Variants in BAAT observed in about 807,000 individuals in gnomAD.
BAAT encodes the protein bile acid-CoA:amino acid N-acyltransferase.
A neutral mutation model predicts 18.9 loss-of-function variants in BAAT; 13 were observed. The observed-to-expected ratio is 0.69, with a 90% CI of 0.45 to 1.10. The LOEUF (loss-of-function observed/expected upper bound fraction) is 1.10, where lower values mean the gene tolerates loss of function less well. Ranked by LOEUF, BAAT falls within the 50% of genes least tolerant of loss-of-function variation. The pLI is 0.00. For missense variants in BAAT, 489 were observed against 504.0 expected (o/e 0.97, Z 0.28); for synonymous variants, 170 against 190.7 (o/e 0.89, Z 0.89).
At chr9:101,367,274 G>T (rs1431454477) in intron 3 of BAAT, among the ~76,000 whole-genome samples, 1 of 151,904 alleles carries the variant, frequency 6.6e-6, no homozygotes, top group Non-Finnish European at 1.5e-5. Flanking sequence ...TATGTTTAAG[G>T]GCTCATGAGT....
chr9:101,369,978 T>C (rs1475295222), intron 2 of BAAT, among the ~76,000 whole-genome samples: 4 of 152,236 alleles, frequency 2.6e-5, no homozygotes, highest in African/African-American at 9.6e-5. Flanking sequence ...TGGAATAGTC[T>C]ATAAATATGT....
intron 3 of BAAT, among the ~76,000 whole-genome samples, chr9:101,363,558 T>A (rs1278595777): frequency 2.6e-5 from 4 of 151,792 alleles, no homozygotes; most frequent in Non-Finnish European, 5.9e-5. Flanking sequence ...AAATTATCTA[T>A]CCTACGGCAA....
intron 1 of BAAT, among the ~76,000 whole-genome samples, chr9:101,382,274 A>G (rs1830145860): frequency 6.6e-6 from 1 of 152,230 alleles, no homozygotes; most frequent in African/African-American, 2.4e-5. Flanking sequence ...TGGGCGAATG[A>G]GCTCAAACAT....
chr9:101,384,765 C>T (rs1022105750), intron 1 of BAAT, among the ~76,000 whole-genome samples, 90 bp downstream of exon 1: 4 of 151,832 alleles, frequency 2.6e-5, no homozygotes, highest in African/African-American at 9.7e-5. Context: ...AATCTTTAAA[C>T]AAAAGCAAGG....
Position 101,380,793 on chromosome 9 carries a change from G to A in BAAT, c.-60+4062C>T, listed in dbSNP as rs899276893. Among the ~76,000 whole-genome samples the A allele has an allele frequency of 5.3e-5, 8 of 152,120 alleles. No homozygotes were observed. In the East Asian group the frequency reaches 7.7e-4, roughly 15 times the overall value. On this transcript the variant is annotated intron_variant, in intron 1 of 3. Transcript: ENST00000259407. ...TTTTAAGATGGAGTCTTGCTCTGTC[G>A]CCCAGGCTGGAGTGCAGTGGTGCAA...
chr9:101,372,003 A>C (rs949871288), intron 1 of BAAT, among the ~76,000 whole-genome samples: 4 of 152,194 alleles, frequency 2.6e-5, no homozygotes, highest in African/African-American at 9.7e-5. Context: ...TGTCCTTTGC[A>C]GCAACATGGA....
chr9:101,365,573 G>C (rs980575283), intron 3 of BAAT, among the ~76,000 whole-genome samples: 13 of 151,706 alleles, frequency 8.6e-5, no homozygotes, highest in Non-Finnish European at 1.6e-4. Context: ...GTCTCATTCT[G>C]TCACCCAGGC....
chr9:101,367,986 C>T, intron 3 of BAAT, 134 bp downstream of exon 3: 1 of 926,286 alleles, frequency 1.1e-6, no homozygotes, highest in Non-Finnish European at 1.7e-6. Flanking sequence ...AAGGCACTGG[C>T]TTCTGGCCAA....
chr9:101,372,115 G>T (rs943491171), intron 1 of BAAT, among the ~76,000 whole-genome samples: 1 of 152,038 alleles, frequency 6.6e-6, no homozygotes, highest in East Asian at 1.9e-4. Flanking sequence ...GGGTACACAC[G>T]GACATTGGGA....
At chr9:101,379,495 A>G (rs1588145138) in intron 1 of BAAT, among the ~76,000 whole-genome samples, 2 of 152,236 alleles carry the variant, frequency 1.3e-5, no homozygotes, top group East Asian at 1.9e-4. Flanking sequence ...ATGGCCAATC[A>G]CTATTCTTGC....
Position 101,371,395 on chromosome 9 carries a change from A to G in BAAT, c.10T>C (p.Leu4=), listed in dbSNP as rs1459221961. The stretch of plus-strand genomic sequence containing the variant: ...AGTGCACTCACAGGGGTAGCTGTCA[A>G]CTGGATCATTTTTTTAGTGTGGCAC... MIQ[L]TATPVSALVD... Residue 4 remains leucine, a synonymous_variant, in exon 2 of 4, where the codon TTG becomes CTG. Coordinates refer to ENST00000259407, the MANE Select transcript of BAAT (RefSeq NM_001701.4). The G allele has an allele frequency of 1.2e-6, 2 of 1,609,962 alleles. No homozygotes were observed. Among genetic ancestry groups the G allele is most frequent in the Admixed American group, 1.7e-5 (1 of 59,978 alleles).
In BAAT at chr9:101,368,222, C is replaced by A; in HGVS notation, c.567G>T (p.Leu189Phe). The change falls in exon 3 of 4, where the codon TTG becomes TTT. Residue 189 changes from leucine (L) to phenylalanine (F), a missense_variant. Physicochemically the swap from Leu to Phe is conservative, Grantham distance 22. Coordinates refer to ENST00000259407, the MANE Select transcript of BAAT (RefSeq NM_001701.4). ...SLLASRGFAS[L>F]ALAYHNYEDL... ...CTTCATAGTTATGGTAAGCCAAGGC[C>A]AAGGAGGCGAAGCCACGACTGGCTA... 1.2e-6 allele frequency: 2 copies of A among 1,607,320 alleles called. No individual in the cohort carries two copies. Among genetic ancestry groups the A allele is most frequent in the Non-Finnish European group, 1.7e-6 (2 of 1,175,916 alleles).
rs998280191 is a variant in BAAT at position 101,384,890 on chromosome 9, G to A, written c.-95C>T. Among the ~76,000 whole-genome samples the A allele has an allele frequency of 6.6e-6, 1 of 152,076 alleles. No individual in the cohort carries two copies. Among genetic ancestry groups the A allele is most frequent in the Admixed American group, 6.6e-5 (1 of 15,256 alleles). On this transcript the variant is annotated 5_prime_UTR_variant, in exon 1 of 4. Transcript: ENST00000259407. Reference sequence around the variant, plus strand: ...AACCTGCCCCCAAAATTTCAGCGTAGGTTCTATTTTCCCTAAGTGTCGGCT... The same window carrying A: ...AACCTGCCCCCAAAATTTCAGCGTAAGTTCTATTTTCCCTAAGTGTCGGCT...
chr9:101,371,297 C>T lies in BAAT; in HGVS notation c.108G>A (p.Leu36=). ...PFQMVSFQAS[L]EDENGDMFYS... The stretch of plus-strand genomic sequence containing the variant: ...AAAACATGTCTCCGTTTTCATCTTC[C>T]AGTGATGCCTGAAAACTCACCATCT... Residue 36 remains leucine (L), a synonymous_variant, in exon 2 of 4, where the codon CTG becomes CTA. Transcript: ENST00000259407. 2 of 1,613,600 alleles carry T rather than the reference C, an allele frequency of 1.2e-6. No individual in the cohort carries two copies. The highest frequency in any genetic ancestry group is 1.7e-6 in the Non-Finnish European group (2 of 1,179,626).
chr9:101,384,918 T>C lies in BAAT; in HGVS notation c.-123A>G, dbSNP rs1260877506. Among the ~76,000 whole-genome samples, 1 of 151,948 alleles carries C rather than the reference T, an allele frequency of 6.6e-6. No homozygotes were observed. The highest frequency in any genetic ancestry group is 6.6e-5 in the Admixed American group (1 of 15,252). On this transcript the variant is annotated 5_prime_UTR_variant, in exon 1 of 4. Transcript: ENST00000259407. ...TCTATTTTCCCTAAGTGTCGGCTGG[T>C]CTGAGAAATAAAGAGAAAGAGTACA...
rs1357553711 is a variant in BAAT, at chr9:101,372,849, T to C, written c.-59-1386A>G. ...ATCAACAGAAAATTTAATGTACTTTTAATGGATATGTGTGGATTGGTTTGA... is the reference window on the plus strand; with the variant it reads ...ATCAACAGAAAATTTAATGTACTTTCAATGGATATGTGTGGATTGGTTTGA... On this transcript the variant is annotated intron_variant, in intron 1 of 3. Coordinates refer to ENST00000259407, the MANE Select transcript of BAAT (RefSeq NM_001701.4). Among the ~76,000 whole-genome samples, 5 of 152,290 alleles carry C rather than the reference T, an allele frequency of 3.3e-5. No individual in the cohort carries two copies. The East Asian group carries it at 5.8e-4, about 18-fold the overall frequency.
At chr9:101,382,944 T>C (rs1830154829) in intron 1 of BAAT, among the ~76,000 whole-genome samples, 1 of 152,176 alleles carries the variant, frequency 6.6e-6, no homozygotes, top group Non-Finnish European at 1.5e-5. Context: ...TAAATAGGTA[T>C]AACATATATT....
At position 101,371,512 on chromosome 9, in the gene BAAT, T is replaced by C. The variant is rs117005637; in HGVS notation, c.-59-49A>G. Reference sequence around the variant, plus strand: ...CAGTAAAATAAAGTAGAGATAAGGGTTGATGAAAGGTGAATTGAATCAGCA... The same window carrying C: ...CAGTAAAATAAAGTAGAGATAAGGGCTGATGAAAGGTGAATTGAATCAGCA... On this transcript the variant is annotated intron_variant, in intron 1 of 3. Coordinates refer to ENST00000259407, the MANE Select transcript of BAAT (RefSeq NM_001701.4). 5.4e-3 allele frequency: 6,128 copies of C among 1,142,582 alleles called. 29 individuals are homozygous for C. The highest frequency in any genetic ancestry group is 6.7e-3 in the Middle Eastern group (24 of 3,586). 70.8% of individuals were successfully genotyped at this position (1,142,582 alleles called of 1,614,324 possible).
intron 1 of BAAT, among the ~76,000 whole-genome samples, chr9:101,375,071 A>C (rs1483694173): frequency 6.6e-6 from 1 of 152,198 alleles, no homozygotes; most frequent in Non-Finnish European, 1.5e-5. Context: ...GGGCAGGGCC[A>C]GGTGGAAATA....
Sources: allele counts gnomAD v4.1 joint callset (sites outside exome capture counted in the v4.1 genomes callset), GRCh38; gene constraint gnomAD v4.1.1; transcripts MANE v1.5; gene names NCBI Gene and HGNC (gene_info 2026-07-23, HGNC 2026-07-21).